Variants in CYP4Z1 observed in about 807,000 individuals in gnomAD.
The protein encoded by CYP4Z1 is cytochrome P450 family 4 subfamily Z member 1, also known as cytochrome P450 4Z1.
CYP4Z1 carries 41 observed loss-of-function variants against 54.2 expected under a neutral mutation model. That is an observed-to-expected ratio of 0.76 (90% CI 0.59 to 0.98). CYP4Z1 has a LOEUF of 0.98. Among genes scored for constraint, CYP4Z1 ranks in the 50% least tolerant of loss-of-function variants. The pLI, the probability that CYP4Z1 is intolerant of heterozygous loss-of-function variation, is 0.00. For missense variants in CYP4Z1, 513 were observed against 599.0 expected (o/e 0.86, Z 1.50); for synonymous variants, 163 against 206.2 (o/e 0.79, Z 1.79).
intron 9 of CYP4Z1, among the ~76,000 whole-genome samples, chr1:47,115,017 T>A (rs1644819521): frequency 6.6e-6 from 1 of 152,164 alleles, no homozygotes; most frequent in Admixed American, 6.5e-5. Context: ...TGTGGCACTA[T>A]TCACAATAGC....
chr1:47,092,386 C>G (rs1644644992), intron 6 of CYP4Z1, among the ~76,000 whole-genome samples: 1 of 151,924 alleles, frequency 6.6e-6, no homozygotes, highest in Non-Finnish European at 1.5e-5. Context: ...GGTCCTATAG[C>G]TTGCTTCTGT....
At chr1:47,116,771 A>G in intron 11 of CYP4Z1, 39 bp downstream of exon 11, 3 of 1,469,460 alleles carry the variant, frequency 2.0e-6, no homozygotes, top group Non-Finnish European at 2.8e-6. Context: ...GAAATGTGTA[A>G]TAGTGCTTAC....
In CYP4Z1 at chr1:47,116,746, C is replaced by G; in HGVS notation, c.1349+14C>G. On this transcript the variant is annotated intron_variant, in intron 11 of 11. Coordinates refer to ENST00000334194, the MANE Select transcript of CYP4Z1 (RefSeq NM_178134.3). ...AGCTGGATTAAGGTAAAGACTCAAG[C>G]TGGTGAACTTGATGGAAATGTGTAA... The G allele has an allele frequency of 6.3e-7, 1 of 1,583,962 alleles. No homozygotes were observed. Among genetic ancestry groups the G allele is most frequent in the Admixed American group, 1.7e-5 (1 of 58,718 alleles).
At chr1:47,100,005 A>G (rs994189909) in intron 8 of CYP4Z1, among the ~76,000 whole-genome samples, 1 of 151,906 alleles carries the variant, frequency 6.6e-6, no homozygotes. Context: ...TCCAAGATGT[A>G]AATGTTTTCC....
At chr1:47,111,485 G>A (rs923327632) in intron 9 of CYP4Z1, among the ~76,000 whole-genome samples, 2 of 152,102 alleles carry the variant, frequency 1.3e-5, no homozygotes, top group African/African-American at 4.8e-5. Flanking sequence ...GCCCAGCCCT[G>A]CAATTTTTTA....
intron 9 of CYP4Z1, among the ~76,000 whole-genome samples, chr1:47,114,637 A>C (rs557158842): frequency 6.6e-6 from 1 of 151,762 alleles, no homozygotes; most frequent in Middle Eastern, 3.4e-3. Flanking sequence ...AAGGTGAAGG[A>C]TATGAACAGA....
chr1:47,110,127 A>AAAACAAAT, intron 9 of CYP4Z1, among the ~76,000 whole-genome samples: 1 of 118,668 alleles, frequency 8.4e-6, no homozygotes, highest in African/African-American at 3.3e-5. Flanking sequence ...AACAAAAACA[A>AAAACAAAT]CAGATTCCCT....
rs755791121 is a variant in CYP4Z1 at position 47,068,653 on chromosome 1, A to C, written c.209A>C (p.His70Pro). 10 of 1,614,040 alleles carry C rather than the reference A, an allele frequency of 6.2e-6. No individual in the cohort carries two copies. In the African/African-American group the frequency reaches 6.7e-5, roughly 11 times the overall value. ...CCAGTAAAGGAGTTTGAGGTGTATC[A>C]TAAGCTGATGGAAAAATACCCATGT... Reference protein sequence around the residue: ...FYPVKEFEVYHKLMEKYPCAV... With the variant: ...FYPVKEFEVYPKLMEKYPCAV... Residue 70 changes from histidine (H) to proline (P), a missense_variant, in exon 2 of 12, where the codon CAT (histidine) becomes CCT (proline). By Grantham distance (77) the His-to-Pro change is moderately conservative. Transcript: ENST00000334194.
At chr1:47,089,846 G>A (rs1389098967) in intron 6 of CYP4Z1, among the ~76,000 whole-genome samples, 1 of 152,256 alleles carries the variant, frequency 6.6e-6, no homozygotes, top group African/African-American at 2.4e-5. Context: ...GTCGTCCAAT[G>A]CCCCTTCACA....
At chr1:47,105,390 T>G (rs1271122193) in intron 8 of CYP4Z1, among the ~76,000 whole-genome samples, 2 of 152,124 alleles carry the variant, frequency 1.3e-5, no homozygotes, top group African/African-American at 4.8e-5. Flanking sequence ...AATGTCTTCA[T>G]GCAATCTCCA....
chr1:47,056,559 C>G, the CYP4Z1 span, among the ~76,000 whole-genome samples: 1 of 152,162 alleles, frequency 6.6e-6, no homozygotes, highest in African/African-American at 2.4e-5. Context: ...GAGTCTAAGT[C>G]TCTTCGTAGG....
At chr1:47,102,586 T>C (rs1644729085) in intron 8 of CYP4Z1, among the ~76,000 whole-genome samples, 1 of 152,190 alleles carries the variant, frequency 6.6e-6, no homozygotes, top group African/African-American at 2.4e-5. Context: ...ATAACTTTGC[T>C]GGGAATAGTA....
chr1:47,114,341 C>T (rs1300147437), intron 9 of CYP4Z1, among the ~76,000 whole-genome samples: 1 of 151,926 alleles, frequency 6.6e-6, no homozygotes, highest in African/African-American at 2.4e-5. Flanking sequence ...CCATAAAAAC[C>T]CTAGAAGAAA....
At chr1:47,099,006 T>C in intron 7 of CYP4Z1, 88 bp from the exon 8 acceptor site, 1 of 1,473,946 alleles carries the variant, frequency 6.8e-7, no homozygotes, top group Non-Finnish European at 9.4e-7. Context: ...TTTTACAACA[T>C]TAATCTTTTT....
chr1:47,079,218 C>G (rs1279152952), intron 2 of CYP4Z1, among the ~76,000 whole-genome samples: 4 of 152,172 alleles, frequency 2.6e-5, no homozygotes, highest in Non-Finnish European at 5.9e-5. Flanking sequence ...CTGCCATCTT[C>G]AAGATTGCCA....
intron 2 of CYP4Z1, among the ~76,000 whole-genome samples, chr1:47,069,315 G>GCC (rs1286996793): frequency 1.3e-5 from 2 of 152,346 alleles, no homozygotes; most frequent in East Asian, 3.9e-4. Context: ...CCCCCACTGG[G>GCC]CTTTCCTCAA....
In CYP4Z1 at chr1:47,069,608, A is replaced by G. The variant is rs79606652; in HGVS notation, c.319+845A>G. 4.9e-3 allele frequency among the ~76,000 whole-genome samples: 746 copies of G among 151,866 alleles called. 13 individuals carry two copies. Among genetic ancestry groups the G allele is most frequent in the East Asian group, 0.047 (239 of 5,136 alleles). Reference sequence around the variant, plus strand: ...CTTTGCCCAAAAGGGATGAAAGAGGAAAGTGATTGTTTCTCCTTTGGAGTT... The same window carrying G: ...CTTTGCCCAAAAGGGATGAAAGAGGGAAGTGATTGTTTCTCCTTTGGAGTT... On this transcript the variant is annotated intron_variant, in intron 2 of 11. Coordinates refer to ENST00000334194, the MANE Select transcript of CYP4Z1 (RefSeq NM_178134.3).
At chr1:47,115,409 C>T in intron 9 of CYP4Z1, 120 bp from the exon 10 acceptor site, 1 of 835,622 alleles carries the variant, frequency 1.2e-6, no homozygotes, top group Non-Finnish European at 1.9e-6. Context: ...AACAAACCTT[C>T]ATGTTGTGCA....
At chr1:47,117,729 T>G in intron 11 of CYP4Z1, 37 bp from the exon 12 acceptor site, 1 of 1,581,558 alleles carries the variant, frequency 6.3e-7, no homozygotes, top group Non-Finnish European at 8.6e-7. Context: ...ATATATAAAT[T>G]CATTAGATGC....
Sources: gnomAD v4.1 joint callset for allele counts (sites outside exome capture counted in the v4.1 genomes callset) on GRCh38, gnomAD v4.1.1 for gene constraint, MANE v1.5 for transcripts, NCBI Gene and HGNC (gene_info 2026-07-23, HGNC 2026-07-21) for gene names.